TCF7L2: variants seen among roughly 807,000 people sequenced by gnomAD.
The protein encoded by TCF7L2 is transcription factor 7 like 2.
Under a neutral mutation model 77.9 loss-of-function variants are expected in TCF7L2, and 23 were observed. That is an observed-to-expected ratio of 0.30 (90% confidence interval 0.21 to 0.42). The LOEUF (loss-of-function observed/expected upper bound fraction) is 0.42, where lower values mean the gene tolerates loss of function less well. Among genes scored for constraint, TCF7L2 ranks in the 10% least tolerant of loss-of-function variants. The pLI is 1.00. For synonymous variants in TCF7L2, 413 were observed against 340.2 expected (o/e 1.21, Z -2.36); for missense variants, 654 against 793.1 (o/e 0.82, Z 2.11).
chr10:113,066,338 T>C (rs950743941), intron 5 of TCF7L2, among the ~76,000 whole-genome samples: 1 of 151,874 alleles, frequency 6.6e-6, no homozygotes, highest in African/African-American at 2.4e-5. Flanking sequence ...GCACTCTAGC[T>C]TGGGCAACAA....
intron 3 of TCF7L2, among the ~76,000 whole-genome samples, chr10:112,961,263 C>CCCCCT (rs1564713257): frequency 8.3e-6 from 1 of 121,130 alleles, no homozygotes; most frequent in African/African-American, 3.1e-5. Context: ...GACCCCCCCC[C>CCCCCT]CCCCAACCTC....
intron 5 of TCF7L2, among the ~76,000 whole-genome samples, chr10:113,040,634 A>G (rs1352769224): frequency 2.6e-5 from 4 of 152,242 alleles, no homozygotes; most frequent in Non-Finnish European, 5.9e-5. Flanking sequence ...CTAGAGTAGA[A>G]ATGAACTTTG....
chr10:113,060,873 G>A (rs576415007), intron 5 of TCF7L2, among the ~76,000 whole-genome samples: 29 of 152,258 alleles, frequency 1.9e-4, no homozygotes, highest in African/African-American at 6.7e-4. Flanking sequence ...GCTGGCTGCT[G>A]TGTGACGATG....
intron 5 of TCF7L2, among the ~76,000 whole-genome samples, chr10:113,065,674 C>T (rs2057153746): frequency 1.3e-5 from 2 of 152,140 alleles, no homozygotes; most frequent in Admixed American, 1.3e-4. Context: ...TTGGTTTGGG[C>T]TCTGGCTCAG....
chr10:113,134,232 C>T (rs1275787965), intron 5 of TCF7L2, among the ~76,000 whole-genome samples: 2 of 152,056 alleles, frequency 1.3e-5, no homozygotes, highest in African/African-American at 4.8e-5. Flanking sequence ...GAGAGGGGCA[C>T]GGGCCAGGGT....
At chr10:112,989,435 T>G (rs936907940) in intron 4 of TCF7L2, among the ~76,000 whole-genome samples, 6 of 151,912 alleles carry the variant, frequency 3.9e-5, no homozygotes, top group African/African-American at 1.5e-4. Context: ...TCCTAGAAAC[T>G]GTCTTAATTC....
At chr10:113,055,517 T>TA (rs2055229656) in intron 5 of TCF7L2, among the ~76,000 whole-genome samples, 1 of 152,248 alleles carries the variant, frequency 6.6e-6, no homozygotes, top group African/African-American at 2.4e-5. Context: ...GTGTTGGAAA[T>TA]ACTTTTTCTA....
chr10:113,111,390 A>G (rs914836522), intron 5 of TCF7L2, among the ~76,000 whole-genome samples: 2 of 152,236 alleles, frequency 1.3e-5, no homozygotes, highest in Non-Finnish European at 2.9e-5. Context: ...GTATTTATTG[A>G]ATCAGTGAAT....
intron 5 of TCF7L2, among the ~76,000 whole-genome samples, chr10:113,068,964 C>T (rs1028351460): frequency 4.0e-5 from 6 of 151,754 alleles, no homozygotes; most frequent in Admixed American, 1.3e-4. Context: ...TTAGGCCCTG[C>T]CTACCCTTCT....
intron 5 of TCF7L2, chr10:113,127,088 T>G: frequency 4.1e-6 from 1 of 245,026 alleles, no homozygotes; most frequent in Non-Finnish European, 6.6e-6. Flanking sequence ...AGATTTATTT[T>G]TTTTAGCCTC....
chr10:113,027,090 G>A (rs189964618), intron 4 of TCF7L2, among the ~76,000 whole-genome samples: 9 of 152,338 alleles, frequency 5.9e-5, no homozygotes, highest in Non-Finnish European at 1.3e-4. Context: ...AATAAAGGTG[G>A]TCCTTGCTTT....
chr10:113,155,547 A>G (rs915157303), intron 11 of TCF7L2, among the ~76,000 whole-genome samples: 2 of 152,200 alleles, frequency 1.3e-5, no homozygotes, highest in Admixed American at 6.5e-5. Flanking sequence ...TCAGTAGTCA[A>G]CATCTCCGTG....
chr10:113,143,235 G>T lies in TCF7L2; in HGVS notation c.686-688G>T, dbSNP rs139736425. On this transcript the variant is annotated intron_variant, in intron 6 of 13. Coordinates refer to ENST00000627217, the MANE Select transcript of TCF7L2 (RefSeq NM_001146274.2). ...TCTTAGCCCCTGCGACGCACGCGGT[G>T]CCCATTCAGCAGGTGGGCTTAATCC... Among the ~76,000 whole-genome samples, 455 of 152,360 alleles carry T rather than the reference G, an allele frequency of 3.0e-3. 2 individuals carry two copies. The highest frequency in any genetic ancestry group is 9.0e-3 in the African/African-American group (374 of 41,582).
At chr10:113,021,161 G>A (rs1419895237) in intron 4 of TCF7L2, among the ~76,000 whole-genome samples, 1 of 152,128 alleles carries the variant, frequency 6.6e-6, no homozygotes, top group Admixed American at 6.5e-5. Context: ...TCCTGCCCTC[G>A]TAACCTTCGC....
intron 5 of TCF7L2, among the ~76,000 whole-genome samples, chr10:113,107,335 C>A (rs1035251647): frequency 5.9e-5 from 9 of 151,994 alleles, no homozygotes; most frequent in Non-Finnish European, 1.3e-4. Context: ...ACTCTGTAGT[C>A]CCTCCCCTCA....
chr10:113,153,206 A>G (rs61872821), intron 11 of TCF7L2, among the ~76,000 whole-genome samples: 2,921 of 152,328 alleles, frequency 0.019, 37 homozygotes, highest in Middle Eastern at 0.061. Flanking sequence ...CTCTCCTCCC[A>G]TGAGCACGCT....
chr10:113,166,188 T>C lies in TCF7L2; in HGVS notation c.*216T>C. ...ATATGTAGATGAGAGAAGAACCTCATGATTCTACCAAAATTTTTATCAACA... is the reference window on the plus strand; with the variant it reads ...ATATGTAGATGAGAGAAGAACCTCACGATTCTACCAAAATTTTTATCAACA... On this transcript the variant is annotated 3_prime_UTR_variant, in exon 14 of 14. Coordinates refer to ENST00000627217, the MANE Select transcript of TCF7L2 (RefSeq NM_001146274.2). 2 of 415,170 alleles carry C rather than the reference T, an allele frequency of 4.8e-6. No homozygotes were observed. Among genetic ancestry groups the C allele is most frequent in the African/African-American group, 2.0e-5 (1 of 48,944 alleles). 25.7% of individuals were successfully genotyped at this position (415,170 alleles called of 1,614,324 possible).
At chr10:112,994,287 G>A (rs1290539376) in intron 4 of TCF7L2, among the ~76,000 whole-genome samples, 2 of 152,084 alleles carry the variant, frequency 1.3e-5, no homozygotes, top group African/African-American at 2.4e-5. Flanking sequence ...CTGTGGATTT[G>A]CCTGTTCTTG....
chr10:112,982,605 G>A (rs999599281), intron 4 of TCF7L2, among the ~76,000 whole-genome samples: 1 of 152,098 alleles, frequency 6.6e-6, no homozygotes, highest in Non-Finnish European at 1.5e-5. Flanking sequence ...AATAAGAGTA[G>A]TCCAGAATAC....
Sources: gnomAD v4.1 joint callset for allele counts (sites outside exome capture counted in the v4.1 genomes callset) on GRCh38, gnomAD v4.1.1 for gene constraint, MANE v1.5 for transcripts, NCBI Gene and HGNC (gene_info 2026-07-23, HGNC 2026-07-21) for gene names.